CCDC148: variants seen among roughly 807,000 people sequenced by gnomAD.
The protein encoded by CCDC148 is coiled-coil domain-containing protein 148.
In CCDC148, 89 loss-of-function variants were observed where a neutral mutation model predicts 85.7. That is an observed-to-expected ratio of 1.04 (90% CI 0.87 to 1.24). The LOEUF is 1.24. CCDC148 is among the 50% of genes most tolerant of loss of function. The pLI is 0.00. For synonymous variants in CCDC148, 230 were observed against 213.9 expected (o/e 1.08, Z -0.66); for missense variants, 692 against 671.7 (o/e 1.03, Z -0.33).
intron 11 of CCDC148, among the ~76,000 whole-genome samples, chr2:158,217,739 A>G (rs1686965123): frequency 6.6e-6 from 1 of 152,194 alleles, no homozygotes; most frequent in African/African-American, 2.4e-5. Context: ...CTTAGAATTT[A>G]AAAATAGAAA....
At chr2:158,222,075 T>G (rs755469055) in intron 10 of CCDC148, among the ~76,000 whole-genome samples, 2 of 152,190 alleles carry the variant, frequency 1.3e-5, no homozygotes, top group Non-Finnish European at 2.9e-5. Flanking sequence ...TTACCTTATT[T>G]TTGCAATGAA....
chr2:158,348,130 C>G (rs1683086131), intron 2 of CCDC148, among the ~76,000 whole-genome samples: 1 of 152,030 alleles, frequency 6.6e-6, no homozygotes, highest in South Asian at 2.1e-4. Context: ...AGAAATCCAT[C>G]TGAAAACTAT....
In CCDC148 at chr2:158,254,879, C is replaced by A. The variant is rs1167423968; in HGVS notation, c.1111-3967G>T. ...TTTCTGTTTCCTAAGGCAAGTATAG[C>A]AAGATAATAACCAGACCAATAAAAC... On this transcript the variant is annotated intron_variant, in intron 9 of 13. Coordinates refer to ENST00000283233, the MANE Select transcript of CCDC148 (RefSeq NM_138803.4). 6.7e-5 allele frequency among the ~76,000 whole-genome samples: 10 copies of A among 149,904 alleles called. No individual in the cohort carries two copies. The Admixed American group carries it at 6.7e-4, about 10-fold the overall frequency.
intron 7 of CCDC148, among the ~76,000 whole-genome samples, chr2:158,331,553 G>C (rs1162746442): frequency 6.6e-6 from 1 of 152,062 alleles, no homozygotes; most frequent in East Asian, 1.9e-4. Context: ...TTCAAATCCT[G>C]GGTATTCTTG....
At chr2:158,433,091 A>AATATATATATATATATATATAT (rs1553521584) in intron 1 of CCDC148, among the ~76,000 whole-genome samples, 3 of 51,330 alleles carry the variant, frequency 5.8e-5, no homozygotes, top group African/African-American at 5.5e-5. Context: ...AAAAAAAAAA[A>AATATATATATATATATATATAT]ATATATATAT....
At chr2:158,443,744 C>T (rs532965845) in intron 1 of CCDC148, among the ~76,000 whole-genome samples, 24 of 152,216 alleles carry the variant, frequency 1.6e-4, no homozygotes, top group African/African-American at 5.1e-4. Flanking sequence ...AATATTTCTG[C>T]CCAGCTGAGT....
At chr2:158,270,609 C>T (rs1689655320) in intron 9 of CCDC148, among the ~76,000 whole-genome samples, 1 of 152,134 alleles carries the variant, frequency 6.6e-6, no homozygotes. Flanking sequence ...CAACTGACAC[C>T]ACTTGCCATG....
At chr2:158,317,969 G>A (rs778442324) in intron 7 of CCDC148, among the ~76,000 whole-genome samples, 5 of 152,296 alleles carry the variant, frequency 3.3e-5, no homozygotes, top group South Asian at 4.1e-4. Flanking sequence ...TAGGAGTGCA[G>A]TGAGCCACCA....
Position 158,342,334 on chromosome 2 carries a change from G to A in CCDC148, c.252-1654C>T, listed in dbSNP as rs1251097130. ...TTCTAAGCCAATTTACATGGGACAA[G>A]GTTTTGGTTTTTGTTTAAATGTATA... On this transcript the variant is annotated intron_variant, in intron 3 of 13. Coordinates refer to ENST00000283233, the MANE Select transcript of CCDC148 (RefSeq NM_138803.4). Among the ~76,000 whole-genome samples the A allele has an allele frequency of 3.3e-5, 5 of 152,004 alleles. No individual in the cohort carries two copies. The East Asian group carries it at 7.7e-4, about 23-fold the overall frequency.
chr2:158,388,681 G>A (rs978137237), intron 1 of CCDC148, among the ~76,000 whole-genome samples: 1 of 152,086 alleles, frequency 6.6e-6, no homozygotes, highest in African/African-American at 2.4e-5. Context: ...TTTTAGTAGA[G>A]ACAGGGTTTC....
intron 1 of CCDC148, among the ~76,000 whole-genome samples, chr2:158,361,703 C>T (rs939107309): frequency 1.3e-5 from 2 of 152,146 alleles, no homozygotes; most frequent in Admixed American, 6.5e-5. Flanking sequence ...ACAACCGGTA[C>T]CAGCCACTGC....
intron 9 of CCDC148, among the ~76,000 whole-genome samples, chr2:158,287,516 A>C (rs1304079288): frequency 1.3e-5 from 2 of 152,154 alleles, no homozygotes; most frequent in East Asian, 3.9e-4. Context: ...TGGCCAAAAC[A>C]AAGGGGCTAC....
chr2:158,358,448 C>G lies in CCDC148; in HGVS notation c.147+1G>C. The G allele has an allele frequency of 6.2e-7, 1 of 1,604,506 alleles. No individual in the cohort carries two copies. The highest frequency in any genetic ancestry group is 8.5e-7 in the Non-Finnish European group (1 of 1,177,082). ...AAACACATACACACACAACTTCTAACCTTTAGCTTTGCAGAGGCAGAAGCC... is the reference window on the plus strand; with the variant it reads ...AAACACATACACACACAACTTCTAAGCTTTAGCTTTGCAGAGGCAGAAGCC... On this transcript the variant is annotated splice_donor_variant, in intron 2 of 13. Coordinates refer to ENST00000283233, the MANE Select transcript of CCDC148 (RefSeq NM_138803.4). LOFTEE classifies it high-confidence loss of function.
chr2:158,419,989 G>T (rs1184389953), intron 1 of CCDC148: 1 of 152,130 alleles, frequency 6.6e-6, no homozygotes. Context: ...TAGTCTGCAT[G>T]CCAGCACCTC....
intron 2 of CCDC148, among the ~76,000 whole-genome samples, 162 bp from the exon 3 acceptor site, chr2:158,345,480 T>C (rs1682952028): frequency 6.6e-6 from 1 of 152,204 alleles, no homozygotes; most frequent in African/African-American, 2.4e-5. Context: ...AAATTTGATT[T>C]TTTAAAGCAG....
chr2:158,439,685 C>T (rs1687847231), intron 1 of CCDC148, among the ~76,000 whole-genome samples: 2 of 152,012 alleles, frequency 1.3e-5, no homozygotes, highest in Non-Finnish European at 1.5e-5. Flanking sequence ...ATGCTGGCAA[C>T]ATGATATCCA....
At chr2:158,395,439 G>A (rs1347420213) in intron 1 of CCDC148, among the ~76,000 whole-genome samples, 1 of 152,060 alleles carries the variant, frequency 6.6e-6, no homozygotes, top group Non-Finnish European at 1.5e-5. Context: ...AGTGAATGAA[G>A]GAAAGACTGC....
intron 2 of CCDC148, among the ~76,000 whole-genome samples, chr2:158,348,768 G>C (rs568416591): frequency 2.6e-5 from 4 of 152,008 alleles, no homozygotes; most frequent in Non-Finnish European, 5.9e-5. Flanking sequence ...GTGACATGGA[G>C]ATTCACTATA....
At chr2:158,445,433 T>C (rs1688119823) in intron 1 of CCDC148, among the ~76,000 whole-genome samples, 1 of 152,216 alleles carries the variant, frequency 6.6e-6, no homozygotes, top group Admixed American at 6.5e-5. Context: ...ATCACAATAA[T>C]GATCACTGTC....
Sources: allele counts gnomAD v4.1 joint callset (sites outside exome capture counted in the v4.1 genomes callset), GRCh38; gene constraint gnomAD v4.1.1; transcripts MANE v1.5; gene names NCBI Gene and HGNC (gene_info 2026-07-23, HGNC 2026-07-21).